The following SLC27A2 variants were observed in gnomAD, a reference collection of about 807,000 sequenced individuals.
SLC27A2 encodes the protein long-chain fatty acid transport protein 2.
A neutral mutation model predicts 60.0 loss-of-function variants in SLC27A2; 54 were observed. That is an observed-to-expected ratio of 0.90 (90% CI 0.72 to 1.13). The LOEUF (loss-of-function observed/expected upper bound fraction) is 1.13, where lower values mean the gene tolerates loss of function less well. Ranked by LOEUF, SLC27A2 falls within the 50% of genes most tolerant of loss-of-function variation. The pLI is 0.00. For missense variants in SLC27A2, 739 were observed against 777.6 expected (o/e 0.95, Z 0.59); for synonymous variants, 297 against 297.6 (o/e 1.00, Z 0.02).
At chr15:50,199,348 C>G (rs1249088783) in intron 2 of SLC27A2, among the ~76,000 whole-genome samples, 8 of 151,956 alleles carry the variant, frequency 5.3e-5, no homozygotes, top group African/African-American at 1.9e-4. Context: ...GTAGCGGGCA[C>G]CTGTAGTCCC....
intron 1 of SLC27A2, among the ~76,000 whole-genome samples, chr15:50,183,994 CTTT>C (rs577766814): frequency 0.07 from 6,358 of 91,174 alleles, 416 homozygotes; most frequent in African/African-American, 0.15. Context: ...TTTCCTACAT[CTTT>C]TTTTTTTTTT....
At chr15:50,197,159 A>G (rs1312509881) in intron 1 of SLC27A2, among the ~76,000 whole-genome samples, 2 of 73,362 alleles carry the variant, frequency 2.7e-5, no homozygotes, top group Admixed American at 1.5e-4. Context: ...CAAATATTGG[A>G]ATCCTGTGAT....
At chr15:50,204,662 G>A (rs1048766535) in intron 3 of SLC27A2, among the ~76,000 whole-genome samples, 4 of 151,874 alleles carry the variant, frequency 2.6e-5, no homozygotes, top group African/African-American at 9.7e-5. Flanking sequence ...GAACCTGGGG[G>A]GCGGGTGTTG....
intron 3 of SLC27A2, 87 bp from the exon 4 acceptor site, chr15:50,205,152 C>T: frequency 6.9e-7 from 1 of 1,439,284 alleles, no homozygotes; most frequent in Non-Finnish European, 9.4e-7. Context: ...TTTTAAATTT[C>T]TACCGTTCAA....
chr15:50,227,314 C>A (rs2045285825), intron 7 of SLC27A2, 136 bp downstream of exon 7: 17 of 674,824 alleles, frequency 2.5e-5, no homozygotes, highest in Middle Eastern at 3.8e-4. Flanking sequence ...CTCCTGTGTT[C>A]CCAGAGAATG....
At chr15:50,232,071 G>C (rs918535337) in intron 8 of SLC27A2, among the ~76,000 whole-genome samples, 8 of 152,228 alleles carry the variant, frequency 5.3e-5, no homozygotes, top group African/African-American at 1.9e-4. Context: ...AACTGCTGCT[G>C]TCTGGCCCCC....
intron 1 of SLC27A2, among the ~76,000 whole-genome samples, chr15:50,195,495 TAAATAAATA>T (rs1286724391): frequency 6.6e-6 from 1 of 151,350 alleles, no homozygotes; most frequent in Non-Finnish European, 1.5e-5. Flanking sequence ...TGTCTCAAAA[TAAATAAATA>T]AAATAAATAA....
At chr15:50,186,055 T>G (rs542072144) in intron 1 of SLC27A2, among the ~76,000 whole-genome samples, 3 of 150,704 alleles carry the variant, frequency 2.0e-5, no homozygotes, top group African/African-American at 7.3e-5. Context: ...CTGGGCAACA[T>G]GATGAAACCC....
At chr15:50,210,500 C>G (rs556121547) in intron 4 of SLC27A2, among the ~76,000 whole-genome samples, 1 of 152,298 alleles carries the variant, frequency 6.6e-6, no homozygotes, top group South Asian at 2.1e-4. Context: ...TCACTGGCTC[C>G]CCTAGCAGCC....
At chr15:50,221,125 G>A (rs1216342842) in intron 4 of SLC27A2, among the ~76,000 whole-genome samples, 1 of 151,978 alleles carries the variant, frequency 6.6e-6, no homozygotes, top group African/African-American at 2.4e-5. Context: ...AGGATCGCTT[G>A]AGCCTGGGAG....
chr15:50,196,070 AAAAAAAAATATATATATATATATATATAT>A (rs1192906508), intron 1 of SLC27A2, among the ~76,000 whole-genome samples: 12 of 23,488 alleles, frequency 5.1e-4, no homozygotes, highest in African/African-American at 1.6e-3. Context: ...AAAAAAAAAA[AAAAAAAAATATATATATATATATATATAT>A]ATATATATAT....
intron 1 of SLC27A2, among the ~76,000 whole-genome samples, chr15:50,189,118 A>C (rs566514388): frequency 1.3e-5 from 2 of 152,310 alleles, no homozygotes; most frequent in South Asian, 2.1e-4. Flanking sequence ...TGATTGTGAC[A>C]GGCTTTCTCT....
chr15:50,226,677 A>G (rs1038496634), intron 6 of SLC27A2, among the ~76,000 whole-genome samples: 10 of 152,240 alleles, frequency 6.6e-5, no homozygotes, highest in Non-Finnish European at 1.3e-4. Context: ...GGTTGCAGTG[A>G]GCCGAGACTG....
chr15:50,208,493 A>G (rs988964858), intron 4 of SLC27A2, among the ~76,000 whole-genome samples: 2 of 152,232 alleles, frequency 1.3e-5, no homozygotes, highest in Non-Finnish European at 1.5e-5. Flanking sequence ...AGACAACCTG[A>G]GATGATATAT....
intron 1 of SLC27A2, among the ~76,000 whole-genome samples, chr15:50,193,913 T>C (rs1797315): frequency 0.85 from 130,136 of 152,212 alleles, 56,246 homozygotes; most frequent in East Asian, 0.95. Flanking sequence ...AATCCCAGCA[T>C]TTTGAAAGGC....
intron 2 of SLC27A2, among the ~76,000 whole-genome samples, chr15:50,202,049 G>A (rs1181667241): frequency 6.6e-6 from 1 of 152,158 alleles, no homozygotes; most frequent in Non-Finnish European, 1.5e-5. Context: ...CTTGCAAAGT[G>A]GTAGCCACAG....
chr15:50,211,113 G>A (rs1435309991), intron 4 of SLC27A2, among the ~76,000 whole-genome samples: 2 of 152,158 alleles, frequency 1.3e-5, no homozygotes, highest in Non-Finnish European at 2.9e-5. Context: ...CCCACTGCTG[G>A]TGCCTGTCCA....
chr15:50,231,824 C>G (rs1055040021), intron 8 of SLC27A2, among the ~76,000 whole-genome samples: 13 of 152,092 alleles, frequency 8.5e-5, no homozygotes, highest in Admixed American at 3.3e-4. Context: ...GAACTAAAAC[C>G]AATGGATTAA....
In SLC27A2 at chr15:50,199,394, C is replaced by A. The variant is rs2045047454; in HGVS notation, c.688+1685C>A. 2.7e-5 allele frequency among the ~76,000 whole-genome samples: 4 copies of A among 149,528 alleles called. 1 individual carries two copies. The Admixed American group carries it at 2.7e-4, about 10-fold the overall frequency. On this transcript the variant is annotated intron_variant, in intron 2 of 9. Transcript: ENST00000267842. Reference sequence around the variant, plus strand: ...GAGGCTGAAGCAGGAGAATGGCATGCATGAACCAGGGAGGCGGAGCTTGCA... The same window carrying A: ...GAGGCTGAAGCAGGAGAATGGCATGAATGAACCAGGGAGGCGGAGCTTGCA...
Sources: gnomAD v4.1 joint callset for allele counts (sites outside exome capture counted in the v4.1 genomes callset) on GRCh38, gnomAD v4.1.1 for gene constraint, MANE v1.5 for transcripts, NCBI Gene and HGNC (gene_info 2026-07-23, HGNC 2026-07-21) for gene names.